DAAM1: variants seen among roughly 807,000 people sequenced by gnomAD.
DAAM1 encodes disheveled-associated activator of morphogenesis 1.
A neutral mutation model predicts 130.0 loss-of-function variants in DAAM1; 52 were observed. The observed-to-expected ratio is 0.40, with a 90% CI of 0.32 to 0.50. The LOEUF is 0.50. Ranked by LOEUF, DAAM1 falls within the 20% of genes least tolerant of loss-of-function variation. DAAM1 has a pLI of 0.61. For missense variants in DAAM1, 1,134 were observed against 1,303.8 expected (o/e 0.87, Z 2.01); for synonymous variants, 452 against 444.5 (o/e 1.02, Z -0.21).
At chr14:59,272,505 A>G (rs1282598650) in intron 2 of DAAM1, among the ~76,000 whole-genome samples, 1 of 152,094 alleles carries the variant, frequency 6.6e-6, no homozygotes, top group African/African-American at 2.4e-5. Flanking sequence ...GAACCTTGGG[A>G]GATGGAGGTT....
intron 1 of DAAM1, among the ~76,000 whole-genome samples, chr14:59,239,349 A>G (rs1382748447): frequency 6.6e-6 from 1 of 152,168 alleles, no homozygotes; most frequent in African/African-American, 2.4e-5. Flanking sequence ...ATCTTGCAAA[A>G]AATGATTATA....
intron 4 of DAAM1, among the ~76,000 whole-genome samples, chr14:59,320,269 T>G (rs1884955429): frequency 6.6e-6 from 1 of 152,212 alleles, no homozygotes; most frequent in Admixed American, 6.5e-5. Context: ...AAAGTGTAAT[T>G]ATAGAATAGT....
At chr14:59,315,160 C>A in intron 3 of DAAM1, 120 bp from the exon 4 acceptor site, 2 of 878,256 alleles carry the variant, frequency 2.3e-6, no homozygotes, top group South Asian at 1.3e-5. Flanking sequence ...ATACGTCATA[C>A]CTTCGTGTCT....
At chr14:59,248,101 A>T (rs950351782) in intron 1 of DAAM1, among the ~76,000 whole-genome samples, 3 of 152,246 alleles carry the variant, frequency 2.0e-5, no homozygotes, top group Admixed American at 2.0e-4. Flanking sequence ...AGGAGTAATA[A>T]TTTAAAATAG....
chr14:59,248,565 G>A (rs577254679), intron 1 of DAAM1, among the ~76,000 whole-genome samples: 1 of 152,138 alleles, frequency 6.6e-6, no homozygotes, highest in Non-Finnish European at 1.5e-5. Flanking sequence ...TTCTGTTTTG[G>A]TTGATGATTA....
chr14:59,323,154 G>A lies in DAAM1; in HGVS notation c.703G>A (p.Gly235Arg), dbSNP rs946478824. Residue 235 changes from glycine (G) to arginine (R), a missense_variant, in exon 6 of 25, where the codon GGG becomes AGG. This residue lies in a region of DAAM1 where 391 missense variants were observed against 521.6 expected (regional missense o/e 0.75). Transcript: ENST00000360909. ...CTTGGGCGCCGTGTGCCTGGTTCCCGGGGGCCACAAGAAGGTTCTGCAGGC... is the reference window on the plus strand; with the variant it reads ...CTTGGGCGCCGTGTGCCTGGTTCCCAGGGGCCACAAGAAGGTTCTGCAGGC... Reference protein sequence around the residue: ...EILGAVCLVPGGHKKVLQAML... With the variant: ...EILGAVCLVPRGHKKVLQAML... 2 of 1,613,338 alleles carry A rather than the reference G, an allele frequency of 1.2e-6. No homozygotes were observed. Among genetic ancestry groups the A allele is most frequent in the African/African-American group, 1.3e-5 (1 of 74,884 alleles).
intron 2 of DAAM1, among the ~76,000 whole-genome samples, chr14:59,288,913 T>G (rs1450736670): frequency 6.7e-6 from 1 of 150,254 alleles, no homozygotes; most frequent in African/African-American, 2.4e-5. Flanking sequence ...TTGTTTGTTT[T>G]TTTGTTGTTG....
chr14:59,230,642 A>G (rs1889076558), intron 1 of DAAM1, among the ~76,000 whole-genome samples: 1 of 151,948 alleles, frequency 6.6e-6, no homozygotes, highest in Non-Finnish European at 1.5e-5. Flanking sequence ...AATGGGTACA[A>G]AAAAACTCAG....
intron 3 of DAAM1, among the ~76,000 whole-genome samples, chr14:59,304,468 G>A (rs1484409433): frequency 1.3e-5 from 2 of 152,126 alleles, no homozygotes; most frequent in African/African-American, 4.8e-5. Flanking sequence ...CTAGAAATGG[G>A]TTACAGTAGA....
intron 1 of DAAM1, among the ~76,000 whole-genome samples, chr14:59,243,750 T>C (rs143460125): frequency 9.2e-5 from 14 of 152,346 alleles, no homozygotes; most frequent in African/African-American, 3.1e-4. Flanking sequence ...AGTGACTGAA[T>C]ACAGCTGTTT....
At chr14:59,312,529 T>C (rs1194081570) in intron 3 of DAAM1, among the ~76,000 whole-genome samples, 1 of 152,148 alleles carries the variant, frequency 6.6e-6, no homozygotes. Context: ...GAGATGATAG[T>C]GAAGTCCCAG....
intron 20 of DAAM1, among the ~76,000 whole-genome samples, chr14:59,357,765 G>A (rs542301551): frequency 2.8e-4 from 42 of 151,380 alleles, no homozygotes; most frequent in Non-Finnish European, 6.0e-4. Flanking sequence ...GTGACAGAGC[G>A]AGACTCCATC....
chr14:59,329,964 G>A (rs556636231), intron 12 of DAAM1, among the ~76,000 whole-genome samples: 2 of 152,312 alleles, frequency 1.3e-5, no homozygotes, highest in African/African-American at 4.8e-5. Flanking sequence ...GATGGGAGAA[G>A]TGATTCCATC....
intron 16 of DAAM1, 111 bp downstream of exon 16, chr14:59,340,291 C>A (rs1885796537): frequency 2.2e-6 from 2 of 924,662 alleles, no homozygotes; most frequent in Non-Finnish European, 3.3e-6. Context: ...AGGTACAGTT[C>A]TTTGGATCCC....
intron 16 of DAAM1, among the ~76,000 whole-genome samples, chr14:59,345,337 C>T (rs1886030039): frequency 2.0e-5 from 3 of 152,220 alleles, no homozygotes; most frequent in South Asian, 2.1e-4. Context: ...GCTGTAACGG[C>T]GTAGGGGTTA....
At chr14:59,276,934 T>C (rs1312077960) in intron 2 of DAAM1, among the ~76,000 whole-genome samples, 1 of 152,214 alleles carries the variant, frequency 6.6e-6, no homozygotes, top group Non-Finnish European at 1.5e-5. Flanking sequence ...TTGAATGTCC[T>C]CAGACCTTAT....
At position 59,320,597 on chromosome 14, in the gene DAAM1, T is replaced by C; in HGVS notation, c.440+13T>C. 1 of 1,523,346 alleles carries C rather than the reference T, an allele frequency of 6.6e-7. No homozygotes were observed. Among genetic ancestry groups the C allele is most frequent in the South Asian group, 1.3e-5 (1 of 74,424 alleles). The allele number at this position is 1,523,346 out of a possible 1,614,324, so 94.4% of individuals were successfully genotyped here. A position where few individuals can be genotyped will look rare whatever the true frequency, so the allele number is the denominator to read the frequency against. The stretch of plus-strand genomic sequence containing the variant: ...CAAAACCAATGAGGTAATTTTCCCC[T>C]GGATGGCATGTTTTTTTTTTTTCTC... On this transcript the variant is annotated intron_variant, in intron 5 of 24. Coordinates refer to ENST00000360909, the MANE Select transcript of DAAM1 (RefSeq NM_001270520.2).
intron 1 of DAAM1, among the ~76,000 whole-genome samples, chr14:59,221,128 C>T (rs929218034): frequency 6.6e-6 from 1 of 152,192 alleles, no homozygotes; most frequent in African/African-American, 2.4e-5. Context: ...TACAATGATC[C>T]TGTGTACAAC....
At chr14:59,354,779 C>T (rs1393543444) in intron 19 of DAAM1, among the ~76,000 whole-genome samples, 3 of 152,090 alleles carry the variant, frequency 2.0e-5, no homozygotes, top group Non-Finnish European at 4.4e-5. Context: ...AACTAGTTTT[C>T]TGTCAGTGGA....
Sources: allele counts gnomAD v4.1 joint callset (sites outside exome capture counted in the v4.1 genomes callset), GRCh38; gene constraint gnomAD v4.1.1; regional missense constraint gnomAD v4.1.1; transcripts MANE v1.5; gene names NCBI Gene and HGNC (gene_info 2026-07-23, HGNC 2026-07-21).